Variants in DPP10 observed in about 807,000 individuals in gnomAD.
DPP10 encodes the protein dipeptidyl peptidase like 10.
DPP10 carries 33 observed loss-of-function variants against 120.9 expected under a neutral mutation model. That is an observed-to-expected ratio of 0.27 (90% confidence interval 0.21 to 0.37). The LOEUF (loss-of-function observed/expected upper bound fraction) is 0.37. Among genes scored for constraint, DPP10 ranks in the 10% least tolerant of loss-of-function variants. The pLI is 1.00. For synonymous variants in DPP10, 337 were observed against 326.1 expected, an observed-to-expected ratio of 1.03 and a Z score of -0.36; for missense variants, 816 against 942.8, an observed-to-expected ratio of 0.87 and a Z score of 1.76.
intron 1 of DPP10, among the ~76,000 whole-genome samples, chr2:115,307,084 A>G (rs997213383): frequency 6.6e-6 from 1 of 152,146 alleles, no homozygotes; most frequent in Admixed American, 6.6e-5. Flanking sequence ...AGGATATGTT[A>G]CTAATCTCTT....
At chr2:115,232,605 A>C (rs1424239189) in intron 1 of DPP10, among the ~76,000 whole-genome samples, 1 of 152,220 alleles carries the variant, frequency 6.6e-6, no homozygotes, top group South Asian at 2.1e-4. Flanking sequence ...CACTGGAAAA[A>C]AAATTCTGCC....
intron 1 of DPP10, among the ~76,000 whole-genome samples, chr2:114,856,047 CA>C (rs1257554920): frequency 6.6e-6 from 1 of 150,992 alleles, no homozygotes; most frequent in African/African-American, 2.4e-5. Context: ...AAACCAGCAG[CA>C]AAAAGGCTAT....
rs1006030104 is a variant in DPP10, at chr2:115,018,966, T to C, written c.61-290273T>C. On this transcript the variant is annotated intron_variant, in intron 1 of 25. Transcript: ENST00000410059. Reference sequence around the variant, plus strand: ...CTGCCGCTGGTCTAGTTACCATCACTCCCGGGGAGGAGCCACAGCTGCTGC... The same window carrying C: ...CTGCCGCTGGTCTAGTTACCATCACCCCCGGGGAGGAGCCACAGCTGCTGC... 5.3e-5 allele frequency among the ~76,000 whole-genome samples: 8 copies of C among 151,804 alleles called. No individual in the cohort carries two copies. The South Asian group carries it at 8.4e-4, about 16-fold the overall frequency.
At chr2:114,948,916 T>A (rs996423853) in intron 1 of DPP10, among the ~76,000 whole-genome samples, 23 of 151,434 alleles carry the variant, frequency 1.5e-4, no homozygotes, top group African/African-American at 5.1e-4. Flanking sequence ...ACAAAGGGGG[T>A]AGTGAGACAC....
intron 1 of DPP10, among the ~76,000 whole-genome samples, chr2:115,299,636 C>T (rs1359718467): frequency 6.6e-6 from 1 of 151,890 alleles, no homozygotes; most frequent in Admixed American, 6.6e-5. Flanking sequence ...TAAATTCAAT[C>T]TATAAAATAG....
intron 1 of DPP10, among the ~76,000 whole-genome samples, chr2:115,199,628 G>T (rs1018859960): frequency 6.6e-6 from 1 of 152,032 alleles, no homozygotes; most frequent in African/African-American, 2.4e-5. Context: ...ATTGGGAGAA[G>T]AAATCTTGAT....
chr2:114,959,443 A>T (rs989534218), intron 1 of DPP10, among the ~76,000 whole-genome samples: 1 of 152,176 alleles, frequency 6.6e-6, no homozygotes, highest in African/African-American at 2.4e-5. Context: ...CATGGTAAGG[A>T]TATCACACAT....
intron 1 of DPP10, among the ~76,000 whole-genome samples, chr2:115,007,511 T>G (rs894732284): frequency 6.6e-6 from 1 of 151,100 alleles, no homozygotes; most frequent in South Asian, 2.1e-4. Flanking sequence ...CTTTGAAAAC[T>G]GGCACAAGAC....
At chr2:114,652,665 G>A (rs1192723366) in intron 1 of DPP10, among the ~76,000 whole-genome samples, 4 of 152,098 alleles carry the variant, frequency 2.6e-5, no homozygotes, top group African/African-American at 9.7e-5. Flanking sequence ...GGTGCTTGTC[G>A]AATTTTATGC....
intron 1 of DPP10, among the ~76,000 whole-genome samples, chr2:114,497,826 C>G (rs1415476479): frequency 1.3e-5 from 2 of 152,166 alleles, no homozygotes; most frequent in Non-Finnish European, 2.9e-5. Context: ...GCCAAAAGTA[C>G]AGGCACCCAA....
At position 115,681,487 on chromosome 2, in the gene DPP10, T is replaced by C. The variant is rs538436000; in HGVS notation, c.442-8200T>C. Among the ~76,000 whole-genome samples the C allele has an allele frequency of 1.3e-4, 20 of 152,012 alleles. No homozygotes were observed. The South Asian group carries it at 4.1e-3, about 31-fold the overall frequency. ...TATCTCTGCTTGGTAGTAAAACTTT[T>C]ATGGAATAAGTTAACAAGTTGCAAT... On this transcript the variant is annotated intron_variant, in intron 5 of 25. Coordinates refer to ENST00000410059, the MANE Select transcript of DPP10 (RefSeq NM_020868.6).
chr2:114,534,961 C>T (rs1686359784), intron 1 of DPP10, among the ~76,000 whole-genome samples: 1 of 152,050 alleles, frequency 6.6e-6, no homozygotes, highest in Admixed American at 6.5e-5. Flanking sequence ...TTTCAATTTT[C>T]TTTGATACTG....
At chr2:114,645,118 C>T (rs1696019836) in intron 1 of DPP10, among the ~76,000 whole-genome samples, 1 of 152,132 alleles carries the variant, frequency 6.6e-6, no homozygotes, top group Admixed American at 6.5e-5. Flanking sequence ...GCGGGACACA[C>T]TTGCTTTGTC....
intron 13 of DPP10, among the ~76,000 whole-genome samples, 156 bp downstream of exon 13, chr2:115,768,560 C>A (rs531636324): frequency 6.6e-6 from 1 of 152,130 alleles, no homozygotes. Flanking sequence ...CATCCATAGC[C>A]ATACATTCAA....
chr2:115,117,348 A>T (rs1469783274), intron 1 of DPP10, among the ~76,000 whole-genome samples: 1 of 152,194 alleles, frequency 6.6e-6, no homozygotes, highest in Admixed American at 6.5e-5. Flanking sequence ...CAAAACAGCA[A>T]TTTTACCAGC....
intron 3 of DPP10, among the ~76,000 whole-genome samples, chr2:115,416,250 A>G (rs1413423439): frequency 1.3e-5 from 2 of 152,160 alleles, no homozygotes; most frequent in Non-Finnish European, 2.9e-5. Context: ...AAGGTTGATA[A>G]AAAGCAAAAG....
chr2:114,650,348 C>T (rs1399416855), intron 1 of DPP10, among the ~76,000 whole-genome samples: 1 of 152,112 alleles, frequency 6.6e-6, no homozygotes. Context: ...CCAAACCCAG[C>T]AATATCCCTA....
chr2:115,089,911 G>A (rs62164532), intron 1 of DPP10, among the ~76,000 whole-genome samples: 21,075 of 152,112 alleles, frequency 0.14, 1,684 homozygotes, highest in East Asian at 0.17. Flanking sequence ...TTGGTTCCTA[G>A]GAAATAGTTG....
chr2:114,464,357 A>G (rs1041872131), intron 1 of DPP10, among the ~76,000 whole-genome samples: 2 of 152,152 alleles, frequency 1.3e-5, no homozygotes, highest in African/African-American at 2.4e-5. Flanking sequence ...AATGCTGAGT[A>G]TCTCTTTATA....
Sources: allele counts gnomAD v4.1 joint callset (sites outside exome capture counted in the v4.1 genomes callset), GRCh38; gene constraint gnomAD v4.1.1; transcripts MANE v1.5; gene names NCBI Gene and HGNC (gene_info 2026-07-23, HGNC 2026-07-21).